CYRIB: variants seen among roughly 807,000 people sequenced by gnomAD.
CYRIB encodes CYFIP-related Rac1 interactor B.
Under a neutral mutation model 44.2 loss-of-function variants are expected in CYRIB, and 8 were observed. That is an observed-to-expected ratio of 0.18 (90% CI 0.11 to 0.33). The LOEUF (loss-of-function observed/expected upper bound fraction) is 0.33. CYRIB is among the 10% of genes least tolerant of loss of function. The probability of loss-of-function intolerance (pLI) is 1.00; values close to 1 mark genes in which losing one functional copy is unlikely to be tolerated. For missense variants in CYRIB, 185 were observed against 382.8 expected (o/e 0.48, Z 4.31); for synonymous variants, 131 against 127.2 (o/e 1.03, Z -0.20).
rs557151134 is a variant in CYRIB, at chr8:129,980,003, T to C, written c.-295-9008A>G. Among the ~76,000 whole-genome samples the C allele has an allele frequency of 1.8e-4, 27 of 152,106 alleles. No homozygotes were observed. The South Asian group carries it at 3.5e-3, about 20-fold the overall frequency. On this transcript the variant is annotated intron_variant, in intron 1 of 14. Coordinates refer to the CYRIB transcript ENST00000401979. ...AACATGAACCATCTTCCAGAACCAATTCTGATGCATGATAAAAATAAAAAC... is the reference window on the plus strand; with the variant it reads ...AACATGAACCATCTTCCAGAACCAACTCTGATGCATGATAAAAATAAAAAC...
At chr8:129,960,699 C>T (rs1278637912) in intron 2 of CYRIB, among the ~76,000 whole-genome samples, 1 of 143,020 alleles carries the variant, frequency 7.0e-6, no homozygotes, top group African/African-American at 2.6e-5. Flanking sequence ...TGCCTGTAAT[C>T]CCAGCACTTT....
chr8:129,991,678 G>A (rs1332025077), intron 1 of CYRIB, among the ~76,000 whole-genome samples: 4 of 151,972 alleles, frequency 2.6e-5, no homozygotes, highest in Non-Finnish European at 4.4e-5. Context: ...GGCCAGGCAC[G>A]GTGGCTCATG....
At chr8:129,994,867 C>A (rs4733755) in intron 1 of CYRIB, among the ~76,000 whole-genome samples, 48,916 of 152,178 alleles carry the variant, frequency 0.32, 8,654 homozygotes, top group African/African-American at 0.47. Flanking sequence ...ACGTCTGCTG[C>A]AGACACTGCC....
At chr8:129,916,653 C>T (rs1303041084) in intron 1 of CYRIB, among the ~76,000 whole-genome samples, 1 of 152,188 alleles carries the variant, frequency 6.6e-6, no homozygotes, top group African/African-American at 2.4e-5. Flanking sequence ...GCTATTCCTG[C>T]TTTCAACAGG....
intron 6 of CYRIB, 66 bp downstream of exon 8, chr8:129,855,545 T>C: frequency 6.6e-7 from 1 of 1,512,022 alleles, no homozygotes; most frequent in Non-Finnish European, 9.1e-7. Context: ...TTCCCGGCTC[T>C]TCCTCCTAGT....
chr8:129,988,874 C>T (rs568099804), intron 1 of CYRIB, among the ~76,000 whole-genome samples: 7 of 151,750 alleles, frequency 4.6e-5, no homozygotes, highest in Non-Finnish European at 8.8e-5. Context: ...CTTCTCTCAA[C>T]GCTGCACATG....
At chr8:129,933,806 G>A (rs141486878) in intron 1 of CYRIB, among the ~76,000 whole-genome samples, 2,651 of 151,930 alleles carry the variant, frequency 0.017, 92 homozygotes, top group African/African-American at 0.06. Context: ...CCCAGGAGGC[G>A]GAGGTTGTAG....
intron 5 of CYRIB, among the ~76,000 whole-genome samples, chr8:129,857,370 G>C: frequency 6.6e-6 from 1 of 152,196 alleles, no homozygotes; most frequent in Non-Finnish European, 1.5e-5. Flanking sequence ...ATGTAGTAAG[G>C]ATGAACATGA....
chr8:129,991,971 A>AAAAAAAAAAAAAAAAAGAGAGAG (rs994697259), intron 1 of CYRIB, among the ~76,000 whole-genome samples: 2 of 134,604 alleles, frequency 1.5e-5, no homozygotes, highest in Non-Finnish European at 3.3e-5. Context: ...AAAAAAAAAA[A>AAAAAAAAAAAAAAAAAGAGAGAG]ACAATAGGAA....
In CYRIB at chr8:129,925,624, T is replaced by C. The variant is rs775623411; in HGVS notation, c.-50+13984A>G. On this transcript the variant is annotated intron_variant, in intron 1 of 11. Coordinates refer to ENST00000519824, the Ensembl canonical transcript of CYRIB. Reference sequence around the variant, plus strand: ...TGATCTATGGGAAACACAGATCTCTTAGTCCAAAAAACTTTGGGAGCACTG... The same window carrying C: ...TGATCTATGGGAAACACAGATCTCTCAGTCCAAAAAACTTTGGGAGCACTG... 3.3e-5 allele frequency among the ~76,000 whole-genome samples: 5 copies of C among 152,240 alleles called. 1 individual carries two copies.
upstream of CYRIB, among the ~76,000 whole-genome samples, chr8:129,940,107 T>TTGGG (rs1554682069): frequency 6.6e-6 from 1 of 151,958 alleles, no homozygotes; most frequent in Non-Finnish European, 1.5e-5. Flanking sequence ...TCTGAGTGGG[T>TTGGG]TGGGGTCTTC....
At chr8:129,854,478 TATAATCCA>T (rs2045065866) in intron 6 of CYRIB, 135 bp from the exon 9 acceptor site, 1 of 618,134 alleles carries the variant, frequency 1.6e-6, no homozygotes, top group Non-Finnish European at 2.7e-6. Context: ...CTAGCACTGG[TATAATCCA>T]AGGTGGCTTA....
At chr8:129,849,587 T>C in intron 9 of CYRIB, 1 of 402,582 alleles carries the variant, frequency 2.5e-6, no homozygotes, top group South Asian at 3.2e-5. Flanking sequence ...AATTCTTTAA[T>C]GAGGTGATTC....
intron 6 of CYRIB, 110 bp from the exon 9 acceptor site, chr8:129,854,453 G>T: frequency 1.4e-6 from 1 of 729,772 alleles, no homozygotes; most frequent in Admixed American, 3.1e-5. Flanking sequence ...ATAATTCATA[G>T]TATCATTTTA....
intron 1 of CYRIB, among the ~76,000 whole-genome samples, chr8:129,999,386 C>A (rs1045693165): frequency 6.6e-6 from 1 of 152,236 alleles, no homozygotes; most frequent in African/African-American, 2.4e-5. Flanking sequence ...TGACATGACC[C>A]CCCAGGAACA....
exon 9 of CYRIB, chr8:129,850,912 A>G: frequency 6.3e-7 from 1 of 1,590,488 alleles, no homozygotes; most frequent in African/African-American, 1.3e-5. Context: ...GTAAATTTTT[A>G]TTCTGTAGAA....
chr8:129,867,609 AT>A (rs1169111775), intron 4 of CYRIB, among the ~76,000 whole-genome samples: 1 of 151,686 alleles, frequency 6.6e-6, no homozygotes, highest in Non-Finnish European at 1.5e-5. Flanking sequence ...TTAAAGTAAA[AT>A]ATATTAATAT....
intron 1 of CYRIB, among the ~76,000 whole-genome samples, chr8:129,930,792 C>T (rs2090967867): frequency 6.6e-6 from 1 of 152,130 alleles, no homozygotes; most frequent in East Asian, 1.9e-4. Flanking sequence ...AATGCTTCAT[C>T]CCTCATTTTC....
intron 1 of CYRIB, among the ~76,000 whole-genome samples, chr8:129,975,838 G>C (rs2095891873): frequency 6.6e-6 from 1 of 152,142 alleles, no homozygotes; most frequent in African/African-American, 2.4e-5. Context: ...AAATACTGCA[G>C]CCGGGTCCCC....
Sources: gnomAD v4.1 joint callset for allele counts (sites outside exome capture counted in the v4.1 genomes callset) on GRCh38, gnomAD v4.1.1 for gene constraint, MANE v1.5 for transcripts, NCBI Gene and HGNC (gene_info 2026-07-23, HGNC 2026-07-21) for gene names.